BRSK2: variants seen among roughly 807,000 people sequenced by gnomAD.
BRSK2 encodes serine/threonine-protein kinase BRSK2.
Under a neutral mutation model 83.3 loss-of-function variants are expected in BRSK2, and 19 were observed. That is an observed-to-expected ratio of 0.23 (90% CI 0.16 to 0.33). The LOEUF is 0.33. Among genes scored for constraint, BRSK2 ranks in the 10% least tolerant of loss-of-function variants. The pLI, the probability that BRSK2 is intolerant of heterozygous loss-of-function variation, is 1.00. For missense variants in BRSK2, 798 were observed against 1,042.3 expected (o/e 0.77, Z 3.23); for synonymous variants, 519 against 435.4 (o/e 1.19, Z -2.39).
chr11:1,395,322 A>G (rs1441225656), intron 1 of BRSK2, among the ~76,000 whole-genome samples: 1 of 152,072 alleles, frequency 6.6e-6, no homozygotes, highest in Non-Finnish European at 1.5e-5. Flanking sequence ...CTCCCATCTG[A>G]AGTCTCCCTG....
chr11:1,455,482 C>T (rs895349274), intron 16 of BRSK2, among the ~76,000 whole-genome samples: 1 of 152,058 alleles, frequency 6.6e-6, no homozygotes, highest in African/African-American at 2.4e-5. Context: ...ATATGCTCTG[C>T]CCCCGGGCAC....
rs916635093 is a variant in BRSK2, at chr11:1,462,689, A to T, written c.*1966A>T. 1 of 152,344 alleles carries T rather than the reference A, an allele frequency of 6.6e-6. No individual in the cohort carries two copies. Among genetic ancestry groups the T allele is most frequent in the East Asian group, 1.9e-4 (1 of 5,192 alleles). 9.4% of individuals were successfully genotyped at this position (152,344 alleles called of 1,614,324 possible). On this transcript the variant is annotated 3_prime_UTR_variant, in exon 20 of 20. Coordinates refer to ENST00000528841, the MANE Select transcript of BRSK2 (RefSeq NM_001256627.2). ...AACAATAAATCCCTTCCGCAAAGAC[A>T]GCGACGCAGGTCTTCATCTGGGCAG...
intron 18 of BRSK2, 98 bp from the exon 19 acceptor site, chr11:1,459,094 C>T: frequency 8.0e-7 from 1 of 1,255,732 alleles, no homozygotes; most frequent in East Asian, 2.5e-5. Flanking sequence ...CCACTCCTGG[C>T]TCCACCCCCT....
chr11:1,459,371 G>A (rs1226693098), intron 19 of BRSK2, 132 bp downstream of exon 19: 1 of 983,706 alleles, frequency 1.0e-6, no homozygotes, highest in African/African-American at 1.6e-5. Context: ...CAGCAGCCCA[G>A]ATGTCCCCGG....
intron 12 of BRSK2, among the ~76,000 whole-genome samples, chr11:1,446,360 G>A (rs1390627387): frequency 6.7e-6 from 1 of 149,788 alleles, no homozygotes; most frequent in Non-Finnish European, 1.5e-5. Flanking sequence ...GAGCTGGGCA[G>A]GGCTGGGCTG....
At chr11:1,446,428 C>CA (rs1852138857) in intron 12 of BRSK2, among the ~76,000 whole-genome samples, 1 of 151,534 alleles carries the variant, frequency 6.6e-6, no homozygotes. Context: ...CCAGGCTGGG[C>CA]AGGGCTGAGC....
intron 1 of BRSK2, among the ~76,000 whole-genome samples, chr11:1,434,025 GA>G (rs1324219223): frequency 2.0e-5 from 3 of 152,254 alleles, no homozygotes; most frequent in African/African-American, 7.2e-5. Flanking sequence ...GGGGCCGGGG[GA>G]ATGGAGGTTT....
rs142704340 is a variant in BRSK2 at position 1,391,499 on chromosome 11, C to T, written c.91+1124C>T. Among the ~76,000 whole-genome samples, 350 of 152,282 alleles carry T rather than the reference C, an allele frequency of 2.3e-3. 1 individual carries two copies. Among genetic ancestry groups the T allele is most frequent in the African/African-American group, 7.9e-3 (329 of 41,564 alleles). ...GGGGAGGGCCGTGGCTGTGATGTAA[C>T]TACGGCAGAGCTGCAGGAAGGGGTT... On this transcript the variant is annotated intron_variant, in intron 1 of 19. Transcript: ENST00000528841.
At chr11:1,409,399 CAGTT>C (rs1432153530) in intron 1 of BRSK2, 1 of 152,234 alleles carries the variant, frequency 6.6e-6, no homozygotes, top group Non-Finnish European at 1.5e-5. Context: ...TCATTTAAAA[CAGTT>C]GGAGTGTTGG....
In BRSK2 at chr11:1,460,788, T is replaced by C. The variant is rs1236098780; in HGVS notation, c.*65T>C. 1 of 1,310,998 alleles carries C rather than the reference T, an allele frequency of 7.6e-7. No homozygotes were observed. The highest frequency in any genetic ancestry group is 9.7e-7 in the Non-Finnish European group (1 of 1,028,094). The allele number at this position is 1,310,998 out of a possible 1,614,324, so 81.2% of individuals were successfully genotyped here. A position where few individuals can be genotyped will look rare whatever the true frequency, so the allele number is the denominator to read the frequency against. On this transcript the variant is annotated 3_prime_UTR_variant, in exon 20 of 20. Transcript: ENST00000528841. ...CTGCCTCGCCGCCCGCCGCCCGCCC[T>C]GCCCCGAGTGGACCCGCGGCCGCGC...
chr11:1,447,867 T>C (rs1443312627), intron 12 of BRSK2: 4 of 1,594,924 alleles, frequency 2.5e-6, no homozygotes, highest in East Asian at 2.2e-5. Context: ...AAGACAGGTA[T>C]ACACCCCGAC....
In BRSK2 at chr11:1,390,481, C is replaced by T. The variant is rs1030495128; in HGVS notation, c.91+106C>T. 2 of 547,006 alleles carry T rather than the reference C, an allele frequency of 3.7e-6. No homozygotes were observed. Among genetic ancestry groups the T allele is most frequent in the East Asian group, 3.0e-4 (2 of 6,694 alleles). 33.9% of individuals were successfully genotyped at this position (547,006 alleles called of 1,614,324 possible). A position where few individuals can be genotyped will look rare whatever the true frequency, so the allele number is the denominator to read the frequency against. ...CCGGCCGCGAAGCCGCAGGCCCGGC[C>T]CGGGCCCCGGCCGCGAACAATGGGC... On this transcript the variant is annotated intron_variant, in intron 1 of 19. Transcript: ENST00000528841. This position sits in a 1 kb window ranked among gnomAD's most constrained non-coding sequence, Gnocchi z 6.8.
chr11:1,447,805 A>G lies in BRSK2; in HGVS notation c.1226+1898A>G, dbSNP rs781037404. The G allele has an allele frequency of 4.4e-5, 71 of 1,597,118 alleles. No individual in the cohort carries two copies. In the Middle Eastern group the frequency reaches 4.9e-4, roughly 11 times the overall value. ...CGCTCTGTTCTGCTGTAGTAAAGCA[A>G]TGTTCAGTAAAAGCCTGGATATCGC... On this transcript the variant is annotated intron_variant, in intron 12 of 19. Transcript: ENST00000528841.
At chr11:1,426,322 G>A (rs1849217307) in intron 1 of BRSK2, among the ~76,000 whole-genome samples, 1 of 145,268 alleles carries the variant, frequency 6.9e-6, no homozygotes, top group Non-Finnish European at 1.5e-5. Flanking sequence ...CTGGGGATGT[G>A]TGTGGGGCGT....
chr11:1,424,968 T>C (rs983590140), intron 1 of BRSK2, among the ~76,000 whole-genome samples: 5 of 152,308 alleles, frequency 3.3e-5, no homozygotes, highest in African/African-American at 7.2e-5. Context: ...CTGGGGCCCT[T>C]GTCAGAGACC....
intron 15 of BRSK2, among the ~76,000 whole-genome samples, chr11:1,452,454 A>T (rs935039128): frequency 6.6e-6 from 1 of 152,214 alleles, no homozygotes; most frequent in African/African-American, 2.4e-5. Context: ...GAACAGACTC[A>T]TAATTATCTT....
intron 1 of BRSK2, among the ~76,000 whole-genome samples, chr11:1,427,599 A>G (rs1435650992): frequency 6.6e-6 from 1 of 152,182 alleles, no homozygotes; most frequent in Non-Finnish European, 1.5e-5. Context: ...TCCCACAGAA[A>G]TGGGGCCTGG....
At chr11:1,420,150 G>A (rs1292121745) in intron 1 of BRSK2, among the ~76,000 whole-genome samples, 3 of 152,264 alleles carry the variant, frequency 2.0e-5, no homozygotes, top group Non-Finnish European at 4.4e-5. Context: ...GCATGCAAGT[G>A]TGCGTGCGTG....
intron 14 of BRSK2, among the ~76,000 whole-genome samples, chr11:1,451,004 G>A (rs532327493): frequency 1.2e-4 from 18 of 152,354 alleles, no homozygotes; most frequent in Non-Finnish European, 1.9e-4. Flanking sequence ...CAGACATTCT[G>A]TGTTCCTGAG....
Sources: allele counts gnomAD v4.1 joint callset (sites outside exome capture counted in the v4.1 genomes callset), GRCh38; gene constraint gnomAD v4.1.1; non-coding constraint Gnocchi (gnomAD v3.1); transcripts MANE v1.5; gene names NCBI Gene and HGNC (gene_info 2026-07-23, HGNC 2026-07-21).